Variants in ADAM17 observed in about 807,000 individuals in gnomAD.
ADAM17 encodes disintegrin and metalloproteinase domain-containing protein 17.
A neutral mutation model predicts 96.7 loss-of-function variants in ADAM17; 39 were observed. The ratio of observed to expected loss-of-function variants is 0.40; its 90% CI spans 0.31 to 0.53. ADAM17 has a LOEUF of 0.53. Ranked by LOEUF, ADAM17 falls within the 20% of genes least tolerant of loss-of-function variation. ADAM17 has a pLI of 0.44. For synonymous variants in ADAM17, 344 were observed against 359.2 expected, an observed-to-expected ratio of 0.96 and a Z score of 0.48; for missense variants, 777 against 1,013.2, an observed-to-expected ratio of 0.77 and a Z score of 3.17.
chr2:9,498,205 CT>C (rs869073680), intron 13 of ADAM17, among the ~76,000 whole-genome samples: 1 of 145,566 alleles, frequency 6.9e-6, no homozygotes, highest in African/African-American at 2.6e-5. Flanking sequence ...AATTTTCTTT[CT>C]TTTTTTTTGA....
chr2:9,517,224 T>C (rs750216567), intron 10 of ADAM17, among the ~76,000 whole-genome samples: 4 of 152,202 alleles, frequency 2.6e-5, no homozygotes, highest in Non-Finnish European at 4.4e-5. Context: ...TATTTAATTT[T>C]CTGTTATTTG....
intron 1 of ADAM17, among the ~76,000 whole-genome samples, chr2:9,548,346 G>A (rs573786274): frequency 6.6e-6 from 1 of 151,998 alleles, no homozygotes; most frequent in Non-Finnish European, 1.5e-5. Context: ...AAAAAAGAAA[G>A]AAATTTCATT....
intron 1 of ADAM17, among the ~76,000 whole-genome samples, chr2:9,546,958 C>T (rs542255867): frequency 8.0e-4 from 122 of 152,286 alleles, no homozygotes; most frequent in African/African-American, 2.8e-3. Flanking sequence ...CCACCCACTT[C>T]GGCCTCCCAA....
rs34863481 is a variant in ADAM17, at chr2:9,518,259, CA to C, written c.958-13del. 0.15 allele frequency: 118,424 copies of C among 800,656 alleles called. 6 individuals carry two copies. The highest frequency in any genetic ancestry group is 0.2 in the East Asian group (3,537 of 18,000). The allele number at this position is 800,656 out of a possible 1,614,324, so 49.6% of individuals were successfully genotyped here. On this transcript the variant is annotated splice_polypyrimidine_tract_variant and intron_variant, in intron 8 of 18. Coordinates refer to ENST00000310823, the MANE Select transcript of ADAM17 (RefSeq NM_003183.6). ...TCAAAGCTAAATTGCTTTGAAAGAC[CA>C]AAAAAAAAAAAAAAAAAAAAAGCAT...
Position 9,521,037 on chromosome 2 carries a change from G to A in ADAM17, c.957+166C>T, listed in dbSNP as rs1214996432. Among the ~76,000 whole-genome samples, 3 of 143,200 alleles carry A rather than the reference G, an allele frequency of 2.1e-5. No individual in the cohort carries two copies. The Admixed American group carries it at 2.1e-4, about 10-fold the overall frequency. 93.9% of individuals were successfully genotyped at this position (143,200 alleles called of 152,430 possible). A position where few individuals can be genotyped will look rare whatever the true frequency, so the allele number is the denominator to read the frequency against. ...CTTTTTCATAGAGTTTTTGTTATTTGTTGTCTATGCTGCTACATGGGATGG... is the reference window on the plus strand; with the variant it reads ...CTTTTTCATAGAGTTTTTGTTATTTATTGTCTATGCTGCTACATGGGATGG... On this transcript the variant is annotated intron_variant, in intron 8 of 18. Transcript: ENST00000310823.
intron 13 of ADAM17, among the ~76,000 whole-genome samples, chr2:9,499,410 G>GT (rs1046193136): frequency 2.3e-4 from 34 of 150,180 alleles, no homozygotes; most frequent in East Asian, 1.8e-3. Flanking sequence ...TGTTTTTTTG[G>GT]TTTTTTTTTG....
intron 7 of ADAM17, chr2:9,522,175 C>G (rs1211303865): frequency 1.9e-5 from 7 of 366,250 alleles, no homozygotes; most frequent in Non-Finnish European, 3.4e-5. Flanking sequence ...AGTGAAGCAG[C>G]TTTACATGCA....
In ADAM17 at chr2:9,535,851, C is replaced by T. The variant is rs777284700; in HGVS notation, c.433G>A (p.Ala145Thr). 1.7e-5 allele frequency: 27 copies of T among 1,598,884 alleles called. No individual in the cohort carries two copies. The highest frequency in any genetic ancestry group is 2.3e-5 in the East Asian group (1 of 44,234). ...AAATTTACCTCTATGTTATATTCGG[C>T]CCCATCTGTGTTGATTCTGATTATA... Reference protein sequence around the residue: ...DVIIRINTDGAEYNIEPLWRF... With the variant: ...DVIIRINTDGTEYNIEPLWRF... The change falls in exon 4 of 19, where the codon GCC becomes ACC. Residue 145 changes from alanine (A) to threonine (T), a missense_variant. Coordinates refer to ENST00000310823, the MANE Select transcript of ADAM17 (RefSeq NM_003183.6).
intron 18 of ADAM17, 59 bp downstream of exon 18, chr2:9,491,042 T>C (rs945189134): frequency 6.0e-6 from 9 of 1,499,490 alleles, no homozygotes; most frequent in Middle Eastern, 3.5e-4. Flanking sequence ...GTGAAGGTCT[T>C]TGCCTAACAG....
At chr2:9,526,586 G>A (rs186269475) in intron 5 of ADAM17, among the ~76,000 whole-genome samples, 8 of 151,956 alleles carry the variant, frequency 5.3e-5, no homozygotes, top group African/African-American at 1.2e-4. Flanking sequence ...ACCTGAGGAC[G>A]GGAGTTCGAG....
intron 11 of ADAM17, among the ~76,000 whole-genome samples, chr2:9,507,509 A>G (rs1663481928): frequency 6.6e-6 from 1 of 152,198 alleles, no homozygotes; most frequent in Admixed American, 6.5e-5. Context: ...TCAAAAAATC[A>G]TAATAAATAA....
chr2:9,541,836 C>T (rs1665217644), intron 2 of ADAM17, among the ~76,000 whole-genome samples: 1 of 150,786 alleles, frequency 6.6e-6, no homozygotes, highest in Non-Finnish European at 1.5e-5. Flanking sequence ...GTGAGGAGTT[C>T]AAGACCAGCC....
Position 9,527,875 on chromosome 2 carries a change from C to T in ADAM17, c.530G>A (p.Arg177His), listed in dbSNP as rs763442293. ...YKSEDIKNVSRLQSPKVCGYL... is the reference protein window; with the variant it reads ...YKSEDIKNVSHLQSPKVCGYL... ...ACCACACACTTTTGGAGACTGCAAA[C>T]GTGAAACATTCTTGATATCTTCAGA... Residue 177 changes from arginine to histidine, a missense_variant, in exon 5 of 19, where the codon CGT becomes CAT. Arg to His is a conservative substitution (Grantham distance 29). Transcript: ENST00000310823. The T allele has an allele frequency of 1.1e-5, 18 of 1,600,172 alleles. No individual in the cohort carries two copies. Among genetic ancestry groups the T allele is most frequent in the South Asian group, 5.6e-5 (5 of 88,952 alleles).
chr2:9,529,827 C>G (rs985678599), intron 4 of ADAM17, among the ~76,000 whole-genome samples: 1 of 151,922 alleles, frequency 6.6e-6, no homozygotes, highest in African/African-American at 2.4e-5. Context: ...AAAAATCAGC[C>G]GGGCATGGTG....
Position 9,555,803 on chromosome 2 carries a change from C to A in ADAM17, c.-198G>T. 1 of 446,380 alleles carries A rather than the reference C, an allele frequency of 2.2e-6. No individual in the cohort carries two copies. Among genetic ancestry groups the A allele is most frequent in the East Asian group, 3.5e-5 (1 of 28,456 alleles). The allele number at this position is 446,380 out of a possible 1,614,324, so 27.7% of individuals were successfully genotyped here. A position where few individuals can be genotyped will look rare whatever the true frequency, so the allele number is the denominator to read the frequency against. On this transcript the variant is annotated 5_prime_UTR_variant, in exon 1 of 19. Transcript: ENST00000310823. ...GAAGTGCAGGTGGCGTTACCAAAGG[C>A]CGGCTCAGCCAGCTTCCGGCCGCCG...
chr2:9,543,342 C>G, intron 1 of ADAM17, 57 bp from the exon 2 acceptor site: 2 of 1,389,266 alleles, frequency 1.4e-6, no homozygotes, highest in Non-Finnish European at 9.5e-7. Context: ...ATTGTAGTAT[C>G]GTTAAAATGA....
At chr2:9,491,831 A>G (rs1395659892) in intron 17 of ADAM17, among the ~76,000 whole-genome samples, 1 of 152,196 alleles carries the variant, frequency 6.6e-6, no homozygotes, top group African/African-American at 2.4e-5. Flanking sequence ...CCTCCCTCCT[A>G]TCGGAGGCTT....
Position 9,543,261 on chromosome 2 carries a change from T to A in ADAM17, c.122A>T (p.Asp41Val). 1 of 1,602,062 alleles carries A rather than the reference T, an allele frequency of 6.2e-7. No individual in the cohort carries two copies. Among genetic ancestry groups the A allele is most frequent in the Non-Finnish European group, 8.5e-7 (1 of 1,176,048 alleles). Residue 41 changes from aspartate (D) to valine (V), a missense_variant, in exon 2 of 19, where the codon GAC becomes GTC. Around this residue, in one of 3 missense-constraint regions of ADAM17, gnomAD observed 134 missense variants for 129.1 expected, o/e 1.04. Transcript: ENST00000310823. Reference sequence around the variant, plus strand: ...ATTAGATAAAGAGAGAATATCGTAGTCTGAGAGCAAAGAATCAAGCTTCTC... The same window carrying A: ...ATTAGATAAAGAGAGAATATCGTAGACTGAGAGCAAAGAATCAAGCTTCTC... The part of the protein sequence containing the change: ...RLEKLDSLLS[D>V]YDILSLSNIQ...
At position 9,514,518 on chromosome 2, in the gene ADAM17, A is replaced by AATATATAT. The variant is rs70948826; in HGVS notation, c.1191+3375_1191+3382dup. Among the ~76,000 whole-genome samples the AATATATAT allele has an allele frequency of 4.6e-3, 415 of 89,636 alleles. 3 individuals carry two copies. The highest frequency in any genetic ancestry group is 5.4e-3 in the Middle Eastern group (1 of 184). 58.8% of individuals were successfully genotyped at this position (89,636 alleles called of 152,430 possible). A position where few individuals can be genotyped will look rare whatever the true frequency, so the allele number is the denominator to read the frequency against. On this transcript the variant is annotated intron_variant, in intron 10 of 18. Coordinates refer to ENST00000310823, the MANE Select transcript of ADAM17 (RefSeq NM_003183.6). ...TCCTAGAACTTAAATTTAAAATATAAATATATATATATATATATATATATA... is the reference window on the plus strand; with the variant it reads ...TCCTAGAACTTAAATTTAAAATATAAATATATATATATATATATATATATATATATATA...
Sources: gnomAD v4.1 joint callset for allele counts (sites outside exome capture counted in the v4.1 genomes callset) on GRCh38, gnomAD v4.1.1 for gene constraint, gnomAD v4.1.1 regional missense constraint, MANE v1.5 for transcripts, NCBI Gene and HGNC (gene_info 2026-07-23, HGNC 2026-07-21) for gene names.